Variants in NLGN1 observed in about 807,000 individuals in gnomAD.
The protein encoded by NLGN1 is neuroligin-1.
A neutral mutation model predicts 65.5 loss-of-function variants in NLGN1; 12 were observed. The ratio of observed to expected loss-of-function variants is 0.18; its 90% confidence interval spans 0.12 to 0.30. The LOEUF (loss-of-function observed/expected upper bound fraction) is 0.30. NLGN1 is among the 10% of genes least tolerant of loss of function. The pLI is 1.00. For missense variants in NLGN1, 750 were observed against 1,007.1 expected (o/e 0.74, Z 3.46); for synonymous variants, 350 against 359.5 (o/e 0.97, Z 0.30).
intron 4 of NLGN1, among the ~76,000 whole-genome samples, chr3:173,956,803 TTCCCACTCA>T (rs1712178905): frequency 6.6e-6 from 1 of 152,194 alleles, no homozygotes; most frequent in Non-Finnish European, 1.5e-5. Flanking sequence ...AAATATAATC[TTCCCACTCA>T]TGATTCCTAA....
At chr3:174,183,109 T>C (rs1430584499) in intron 4 of NLGN1, among the ~76,000 whole-genome samples, 4 of 151,834 alleles carry the variant, frequency 2.6e-5, no homozygotes, top group African/African-American at 4.8e-5. Flanking sequence ...TTCACCACAC[T>C]CTTTCTTACC....
At chr3:173,962,744 A>C (rs144665871) in intron 4 of NLGN1, among the ~76,000 whole-genome samples, 21 of 152,146 alleles carry the variant, frequency 1.4e-4, no homozygotes, top group African/African-American at 4.8e-4. Flanking sequence ...ATTTGACCCA[A>C]TAACTACAAA....
intron 4 of NLGN1, among the ~76,000 whole-genome samples, chr3:174,110,131 G>T (rs1714866195): frequency 6.6e-6 from 1 of 151,940 alleles, no homozygotes; most frequent in Non-Finnish European, 1.5e-5. Flanking sequence ...TACTTCCCAA[G>T]ACTTGTTAAA....
At chr3:174,215,841 A>G (rs1452265125) in intron 4 of NLGN1, among the ~76,000 whole-genome samples, 1 of 152,198 alleles carries the variant, frequency 6.6e-6, no homozygotes, top group African/African-American at 2.4e-5. Flanking sequence ...CTGGCTCCAA[A>G]TAAAATGGTG....
intron 3 of NLGN1, among the ~76,000 whole-genome samples, chr3:173,745,950 G>T (rs1204308142): frequency 6.6e-6 from 1 of 152,108 alleles, no homozygotes; most frequent in Non-Finnish European, 1.5e-5. Context: ...TGTGTAACTG[G>T]TTTGCAATCA....
At chr3:173,678,276 G>C (rs1763446839) in intron 3 of NLGN1, among the ~76,000 whole-genome samples, 1 of 152,050 alleles carries the variant, frequency 6.6e-6, no homozygotes, top group Non-Finnish European at 1.5e-5. Context: ...GATGAATATG[G>C]CATGGTTCCT....
chr3:173,766,529 C>G (rs1034692677), intron 3 of NLGN1, among the ~76,000 whole-genome samples: 1 of 152,054 alleles, frequency 6.6e-6, no homozygotes, highest in African/African-American at 2.4e-5. Context: ...TTATTGAACC[C>G]TGACTATATT....
intron 4 of NLGN1, among the ~76,000 whole-genome samples, chr3:174,007,257 A>T (rs1724623396): frequency 6.6e-6 from 1 of 152,090 alleles, no homozygotes; most frequent in Admixed American, 6.6e-5. Flanking sequence ...ACAGAGAGAA[A>T]ATACATTTTT....
intron 4 of NLGN1, among the ~76,000 whole-genome samples, chr3:174,010,632 C>T (rs999725699): frequency 1.3e-5 from 2 of 152,044 alleles, no homozygotes; most frequent in African/African-American, 2.4e-5. Flanking sequence ...TATATAACAT[C>T]TGAATTGCTT....
At chr3:173,576,560 ACTCT>A (rs1577353130) in intron 2 of NLGN1, among the ~76,000 whole-genome samples, 1 of 151,726 alleles carries the variant, frequency 6.6e-6, no homozygotes, top group Non-Finnish European at 1.5e-5. Flanking sequence ...AATCTACCTG[ACTCT>A]CTCTTTCTCC....
At chr3:173,892,793 AG>A (rs1735604342) in intron 4 of NLGN1, among the ~76,000 whole-genome samples, 1 of 152,152 alleles carries the variant, frequency 6.6e-6, no homozygotes, top group Non-Finnish European at 1.5e-5. Context: ...AGACGAGAAG[AG>A]GAAGTGAGGC....
chr3:173,855,181 T>C (rs1727728169), intron 4 of NLGN1, among the ~76,000 whole-genome samples: 1 of 152,096 alleles, frequency 6.6e-6, no homozygotes, highest in South Asian at 2.1e-4. Flanking sequence ...ATAAGAGTGG[T>C]GATATTAAGA....
chr3:173,556,627 A>G (rs949579777), intron 2 of NLGN1, among the ~76,000 whole-genome samples: 5 of 152,048 alleles, frequency 3.3e-5, no homozygotes, highest in Non-Finnish European at 5.9e-5. Context: ...CTTGGGCAAT[A>G]TAATGAGTCC....
At chr3:173,484,759 C>G (rs987111956) in intron 2 of NLGN1, among the ~76,000 whole-genome samples, 1 of 152,062 alleles carries the variant, frequency 6.6e-6, no homozygotes, top group South Asian at 2.1e-4. Context: ...TTTAATGAAA[C>G]TGAAGATGGA....
At chr3:173,745,107 G>A (rs924835641) in intron 3 of NLGN1, among the ~76,000 whole-genome samples, 1 of 152,050 alleles carries the variant, frequency 6.6e-6, no homozygotes, top group Non-Finnish European at 1.5e-5. Flanking sequence ...CAAGCACAAT[G>A]GCAGTTGTTT....
chr3:174,051,002 A>G (rs1415846973), intron 4 of NLGN1, among the ~76,000 whole-genome samples: 2 of 152,000 alleles, frequency 1.3e-5, no homozygotes, highest in African/African-American at 4.8e-5. Context: ...CAGCAAAGGG[A>G]TGTCCTCACC....
chr3:173,566,150 A>T (rs1743621656), intron 2 of NLGN1, among the ~76,000 whole-genome samples: 1 of 152,182 alleles, frequency 6.6e-6, no homozygotes, highest in Admixed American at 6.5e-5. Flanking sequence ...AATTAACCTA[A>T]AAAAGAGCTT....
At chr3:174,273,319 C>G (rs900503428) in intron 4 of NLGN1, among the ~76,000 whole-genome samples, 1 of 151,496 alleles carries the variant, frequency 6.6e-6, no homozygotes, top group Non-Finnish European at 1.5e-5. Context: ...ACGCACATAT[C>G]CTTTTTCCTT....
At chr3:174,237,532 T>C (rs1226703943) in intron 4 of NLGN1, among the ~76,000 whole-genome samples, 1 of 152,198 alleles carries the variant, frequency 6.6e-6, no homozygotes, top group African/African-American at 2.4e-5. Context: ...CTATTGTTTT[T>C]ATATGTAAAT....
Sources: allele counts gnomAD v4.1 joint callset (sites outside exome capture counted in the v4.1 genomes callset), GRCh38; gene constraint gnomAD v4.1.1; transcripts MANE v1.5; gene names NCBI Gene and HGNC (gene_info 2026-07-23, HGNC 2026-07-21).